Variants in FMN2 observed in about 807,000 individuals in gnomAD.
FMN2 encodes formin-2.
In FMN2, 51 loss-of-function variants were observed where a neutral mutation model predicts 142.3. The ratio of observed to expected loss-of-function variants is 0.36; its 90% CI spans 0.29 to 0.45. The LOEUF is 0.45. FMN2 is among the 20% of genes least tolerant of loss of function. The pLI is 1.00. For synonymous variants in FMN2, 882 were observed against 869.8 expected, an observed-to-expected ratio of 1.01 and a Z score of -0.25; for missense variants, 1,936 against 2,122.8, an observed-to-expected ratio of 0.91 and a Z score of 1.73.
chr1:240,218,584 C>G (rs1466100944), intron 6 of FMN2, among the ~76,000 whole-genome samples: 1 of 151,698 alleles, frequency 6.6e-6, no homozygotes, highest in Non-Finnish European at 1.5e-5. Flanking sequence ...AATTTTATTT[C>G]TATCTGGAGC....
intron 14 of FMN2, among the ~76,000 whole-genome samples, chr1:240,381,002 A>G (rs1572249993): frequency 6.6e-6 from 1 of 152,314 alleles, no homozygotes; most frequent in Middle Eastern, 3.4e-3. Flanking sequence ...AATGAAATTG[A>G]GTCAGTAATT....
chr1:240,409,609 G>T (rs539895279), intron 15 of FMN2, among the ~76,000 whole-genome samples: 3 of 152,264 alleles, frequency 2.0e-5, no homozygotes, highest in South Asian at 2.1e-4. Context: ...AGTAAGTGGG[G>T]TCAAATGTCT....
At chr1:240,468,913 A>G (rs1385234040) in intron 16 of FMN2, among the ~76,000 whole-genome samples, 1 of 152,184 alleles carries the variant, frequency 6.6e-6, no homozygotes, top group African/African-American at 2.4e-5. Context: ...CTCTGGCAAC[A>G]TAGTCGACCT....
chr1:240,111,927 G>A (rs555440815), intron 1 of FMN2, among the ~76,000 whole-genome samples: 3 of 152,236 alleles, frequency 2.0e-5, no homozygotes, highest in Admixed American at 6.5e-5. Context: ...CGTGTTTTCA[G>A]GGGAAAGGAA....
chr1:240,432,778 A>G (rs1022189125), intron 15 of FMN2, among the ~76,000 whole-genome samples: 2 of 151,984 alleles, frequency 1.3e-5, no homozygotes, highest in Admixed American at 1.3e-4. Flanking sequence ...TTAATTGCCA[A>G]ATTGGATGTT....
intron 7 of FMN2, among the ~76,000 whole-genome samples, chr1:240,258,906 A>G (rs1158546752): frequency 2.0e-5 from 3 of 152,200 alleles, no homozygotes; most frequent in African/African-American, 7.2e-5. Context: ...AATAACACAG[A>G]CCTTATAATC....
rs148471783 is a variant in FMN2 at position 240,397,373 on chromosome 1, A to T, written c.4910+4811A>T. Among the ~76,000 whole-genome samples, 676 of 152,246 alleles carry T rather than the reference A, an allele frequency of 4.4e-3. 10 individuals carry two copies. The highest frequency in any genetic ancestry group is 0.015 in the African/African-American group (632 of 41,538). ...GAGTCTGAAGCAGTCTAGAGACAGA[A>T]TTCTTTCATATTCAGGAAGCTGAGT... On this transcript the variant is annotated intron_variant, in intron 15 of 17. Coordinates refer to ENST00000319653, the MANE Select transcript of FMN2 (RefSeq NM_020066.5).
chr1:240,159,758 C>T (rs1173746445), intron 2 of FMN2, among the ~76,000 whole-genome samples: 1 of 151,736 alleles, frequency 6.6e-6, no homozygotes, highest in African/African-American at 2.4e-5. Flanking sequence ...AATGCATGCT[C>T]ACTGAGAGGG....
chr1:240,163,960 A>G (rs1355296948), intron 2 of FMN2, among the ~76,000 whole-genome samples: 1 of 152,052 alleles, frequency 6.6e-6, no homozygotes, highest in Non-Finnish European at 1.5e-5. Flanking sequence ...GCAGCCTTGA[A>G]CTCCTGGGCT....
chr1:240,383,284 G>A (rs188774077), intron 14 of FMN2, among the ~76,000 whole-genome samples: 1 of 152,240 alleles, frequency 6.6e-6, no homozygotes, highest in East Asian at 1.9e-4. Context: ...AAATGAAAAC[G>A]CTTCTGCACA....
At chr1:240,364,449 C>A in intron 14 of FMN2, among the ~76,000 whole-genome samples, 1 of 152,136 alleles carries the variant, frequency 6.6e-6, no homozygotes, top group East Asian at 1.9e-4. Context: ...GGACAAAACT[C>A]TTTCCTCTCT....
chr1:240,344,036 CT>C (rs1421770566), intron 13 of FMN2, among the ~76,000 whole-genome samples: 1 of 152,090 alleles, frequency 6.6e-6, no homozygotes, highest in Non-Finnish European at 1.5e-5. Flanking sequence ...AACTTCTATA[CT>C]TTATAAGGAA....
At chr1:240,308,519 G>A (rs1670491427) in intron 8 of FMN2, among the ~76,000 whole-genome samples, 1 of 152,140 alleles carries the variant, frequency 6.6e-6, no homozygotes, top group Admixed American at 6.5e-5. Context: ...GCAGAAAAGA[G>A]GGACGAGGAC....
At chr1:240,189,132 T>C (rs1665601353) in intron 4 of FMN2, among the ~76,000 whole-genome samples, 1 of 151,264 alleles carries the variant, frequency 6.6e-6, no homozygotes. Context: ...GGTTTTTTTT[T>C]CTTACGCTAA....
chr1:240,456,441 G>A (rs949175275), intron 16 of FMN2, among the ~76,000 whole-genome samples: 3 of 152,122 alleles, frequency 2.0e-5, no homozygotes, highest in South Asian at 2.1e-4. Context: ...AACTGGAAAC[G>A]TTCTGAATTG....
At chr1:240,297,191 GTGTGTA>G (rs1181240211) in intron 8 of FMN2, among the ~76,000 whole-genome samples, 5 of 152,060 alleles carry the variant, frequency 3.3e-5, no homozygotes, top group Non-Finnish European at 7.4e-5. Flanking sequence ...GTATCTATAT[GTGTGTA>G]TGTGTATCTA....
intron 3 of FMN2, among the ~76,000 whole-genome samples, chr1:240,184,121 C>G (rs1015076563): frequency 1.7e-4 from 25 of 150,342 alleles, no homozygotes; most frequent in African/African-American, 5.9e-4. Flanking sequence ...GAGTGAAAGG[C>G]TTATTTTGTG....
At chr1:240,345,110 G>A (rs75543632) in intron 13 of FMN2, among the ~76,000 whole-genome samples, 1,672 of 152,224 alleles carry the variant, frequency 0.011, 14 homozygotes, top group South Asian at 0.024. Context: ...CATTCTTCTA[G>A]ATGATTCAGC....
chr1:240,144,298 G>A, intron 2 of FMN2: 2 of 1,606,846 alleles, frequency 1.2e-6, no homozygotes, highest in Non-Finnish European at 1.7e-6. Context: ...GAGAGCCACT[G>A]CCCCCAAACC....
Sources: allele counts gnomAD v4.1 joint callset (sites outside exome capture counted in the v4.1 genomes callset), GRCh38; gene constraint gnomAD v4.1.1; transcripts MANE v1.5; gene names NCBI Gene and HGNC (gene_info 2026-07-23, HGNC 2026-07-21).